The following GNAZ variants were observed in gnomAD, a reference collection of about 807,000 sequenced individuals.
GNAZ encodes G protein subunit alpha z, also known as guanine nucleotide-binding protein G(z) subunit alpha.
GNAZ carries 3 observed loss-of-function variants against 25.4 expected under a neutral mutation model. The observed-to-expected ratio is 0.12, with a 90% CI of 0.05 to 0.30. The LOEUF is 0.30. Among genes scored for constraint, GNAZ ranks in the 10% least tolerant of loss-of-function variants. The probability of loss-of-function intolerance (pLI) is 1.00; values close to 1 mark genes in which losing one functional copy is unlikely to be tolerated. For missense variants in GNAZ, 241 were observed against 501.8 expected, an observed-to-expected ratio of 0.48 and a Z score of 4.97; for synonymous variants, 211 against 205.7, an observed-to-expected ratio of 1.03 and a Z score of -0.22.
intron 1 of GNAZ, among the ~76,000 whole-genome samples, chr22:23,085,106 A>G (rs2068783058): frequency 6.6e-6 from 1 of 152,076 alleles, no homozygotes; most frequent in South Asian, 2.1e-4. Context: ...ATAGGTGGAC[A>G]TGGTTTCCAG....
intron 2 of GNAZ, among the ~76,000 whole-genome samples, chr22:23,104,250 G>A (rs555441471): frequency 9.2e-5 from 14 of 152,186 alleles, no homozygotes; most frequent in African/African-American, 3.1e-4. Context: ...GGGCAAGGTC[G>A]CAGGCACAGT....
intron 2 of GNAZ, among the ~76,000 whole-genome samples, chr22:23,113,376 C>T (rs1040595161): frequency 3.9e-5 from 6 of 152,212 alleles, no homozygotes; most frequent in Non-Finnish European, 7.3e-5. Context: ...CACACTGGCT[C>T]CCAGCTGCTG....
intron 2 of GNAZ, among the ~76,000 whole-genome samples, chr22:23,109,079 G>C (rs371347366): frequency 3.9e-5 from 6 of 152,198 alleles, no homozygotes; most frequent in East Asian, 1.9e-4. Flanking sequence ...ATGAGGCCTG[G>C]ACAGTGCCTG....
intron 1 of GNAZ, among the ~76,000 whole-genome samples, chr22:23,072,460 A>T (rs998963723): frequency 6.6e-6 from 1 of 152,228 alleles, no homozygotes; most frequent in Non-Finnish European, 1.5e-5. Context: ...TGAATAAGAC[A>T]TAATTTCTCC....
At chr22:23,074,017 T>G (rs1050796745) in intron 1 of GNAZ, among the ~76,000 whole-genome samples, 2 of 151,934 alleles carry the variant, frequency 1.3e-5, no homozygotes, top group African/African-American at 4.8e-5. Context: ...GCAAAGGCGC[T>G]GAGCAGACAC....
At chr22:23,090,177 C>G (rs191651870) in intron 1 of GNAZ, among the ~76,000 whole-genome samples, 4 of 152,228 alleles carry the variant, frequency 2.6e-5, no homozygotes, top group East Asian at 3.9e-4. Flanking sequence ...ACCACAGGGA[C>G]AGCTGACAGT....
intron 1 of GNAZ, among the ~76,000 whole-genome samples, chr22:23,090,278 C>T (rs1369385448): frequency 6.6e-6 from 1 of 152,112 alleles, no homozygotes; most frequent in African/African-American, 2.4e-5. Context: ...CCCTGGAGTT[C>T]CCTGATCGTC....
At chr22:23,091,677 TG>T (rs780571658) in intron 1 of GNAZ, among the ~76,000 whole-genome samples, 268 of 150,416 alleles carry the variant, frequency 1.8e-3, no homozygotes, top group Admixed American at 3.8e-3. Context: ...CACACCACAG[TG>T]GACCTGCATA....
At chr22:23,086,069 A>T (rs2068812325) in intron 1 of GNAZ, among the ~76,000 whole-genome samples, 1 of 152,248 alleles carries the variant, frequency 6.6e-6, no homozygotes, top group Non-Finnish European at 1.5e-5. Flanking sequence ...TATTTAGATT[A>T]CTTCTGTCTA....
intron 1 of GNAZ, among the ~76,000 whole-genome samples, chr22:23,087,801 C>G (rs1292602254): frequency 6.6e-6 from 1 of 152,188 alleles, no homozygotes; most frequent in East Asian, 1.9e-4. Context: ...GTTTATTGAT[C>G]TGGGTGGGGC....
At chr22:23,109,509 G>A (rs1470987214) in intron 2 of GNAZ, among the ~76,000 whole-genome samples, 1 of 152,186 alleles carries the variant, frequency 6.6e-6, no homozygotes, top group Non-Finnish European at 1.5e-5. Context: ...AAGACCAAGG[G>A]GACCCCAGAG....
chr22:23,078,547 C>CGCTGGCT (rs1569161790), intron 1 of GNAZ, among the ~76,000 whole-genome samples: 1 of 152,220 alleles, frequency 6.6e-6, no homozygotes, highest in Non-Finnish European at 1.5e-5. Context: ...TGTCTTGCCA[C>CGCTGGCT]GCTGGCTGTT....
intron 2 of GNAZ, among the ~76,000 whole-genome samples, chr22:23,108,288 C>CA (rs2069543342): frequency 6.6e-6 from 1 of 152,244 alleles, no homozygotes; most frequent in African/African-American, 2.4e-5. Context: ...TGCTCATAGG[C>CA]AGGCCATGGG....
intron 2 of GNAZ, among the ~76,000 whole-genome samples, chr22:23,103,840 A>G (rs2146339456): frequency 6.6e-6 from 1 of 152,238 alleles, no homozygotes; most frequent in Admixed American, 6.5e-5. Flanking sequence ...CAGGCCCTGG[A>G]GGACCTGTGT....
rs1372580289 is a variant in GNAZ, at chr22:23,071,486, CT to C, written c.-450+919del. On this transcript the variant is annotated intron_variant, in intron 1 of 2. Transcript: ENST00000615612. The surrounding 1 kb of genome is among the most constrained non-coding windows in gnomAD (Gnocchi z 4.1). The stretch of plus-strand genomic sequence containing the variant: ...AGACAGCTGAGCCCCTGACCGGCTC[CT>C]TTCTGCCCAAGTGATTTCCCTGCCC... 6.6e-6 allele frequency among the ~76,000 whole-genome samples: 1 copy of C among 152,212 alleles called. No homozygotes were observed. The highest frequency in any genetic ancestry group is 1.5e-5 in the Non-Finnish European group (1 of 68,024).
In GNAZ at chr22:23,095,314, C is replaced by T. The variant is rs1601791108; in HGVS notation, c.-382C>T. 1.2e-5 allele frequency: 3 copies of T among 250,422 alleles called. No individual in the cohort carries two copies. The East Asian group carries it at 3.1e-4, about 26-fold the overall frequency. 15.5% of individuals were successfully genotyped at this position (250,422 alleles called of 1,614,324 possible). A position where few individuals can be genotyped will look rare whatever the true frequency, so the allele number is the denominator to read the frequency against. ...GCAGGGAGCACACCAGCGACCGGCC[C>T]TCCAACCCTCCAGCCACTCAGCAAC... On this transcript the variant is annotated 5_prime_UTR_variant, in exon 2 of 3. Coordinates refer to ENST00000615612, the MANE Select transcript of GNAZ (RefSeq NM_002073.4).
intron 2 of GNAZ, among the ~76,000 whole-genome samples, chr22:23,104,536 G>C (rs2069403338): frequency 6.6e-6 from 1 of 152,194 alleles, no homozygotes; most frequent in African/African-American, 2.4e-5. Context: ...GCTCTGCTCA[G>C]TACACACACA....
chr22:23,081,196 A>T (rs2068667998), intron 1 of GNAZ, among the ~76,000 whole-genome samples: 1 of 152,216 alleles, frequency 6.6e-6, no homozygotes. Flanking sequence ...AACAGCCTAA[A>T]GTTCAGATTC....
chr22:23,119,538 C>T (rs536991679), intron 2 of GNAZ, among the ~76,000 whole-genome samples: 1 of 152,348 alleles, frequency 6.6e-6, no homozygotes, highest in African/African-American at 2.4e-5. Flanking sequence ...ACACTGCCAG[C>T]ACCACACTGT....
Sources: allele counts gnomAD v4.1 joint callset (sites outside exome capture counted in the v4.1 genomes callset), GRCh38; gene constraint gnomAD v4.1.1; non-coding constraint Gnocchi (gnomAD v3.1); transcripts MANE v1.5; gene names NCBI Gene and HGNC (gene_info 2026-07-23, HGNC 2026-07-21).